MAP1A: variants seen among roughly 807,000 people sequenced by gnomAD.
MAP1A encodes the protein microtubule associated protein 1A.
Under a neutral mutation model 185.9 loss-of-function variants are expected in MAP1A, and 42 were observed. The observed-to-expected ratio is 0.23, with a 90% CI of 0.18 to 0.29. MAP1A has a LOEUF of 0.29. Ranked by LOEUF, MAP1A falls within the 10% of genes least tolerant of loss-of-function variation. The probability of loss-of-function intolerance (pLI) is 1.00; values close to 1 mark genes in which losing one functional copy is unlikely to be tolerated. For synonymous variants in MAP1A, 1,229 were observed against 1,335.9 expected, an observed-to-expected ratio of 0.92 and a Z score of 1.74; for missense variants, 2,995 against 3,450.4, an observed-to-expected ratio of 0.87 and a Z score of 3.31.
At chr15:43,512,373 G>A (rs377414274) in intron 2 of MAP1A, 36 of 1,033,322 alleles carry the variant, frequency 3.5e-5, no homozygotes, top group South Asian at 1.1e-4. Context: ...GTGGCCTTGC[G>A]GGAGGTTTGA....
chr15:43,526,103 T>C lies in MAP1A; in HGVS notation c.4630T>C (p.Ser1544Pro). The change falls in exon 4 of 6, where the codon TCA (serine) becomes CCA (proline). Residue 1544 changes from serine (S) to proline (P), a missense_variant. By Grantham distance (74) the Ser-to-Pro change is moderately conservative. Around this residue, in one of 3 missense-constraint regions of MAP1A, gnomAD observed 2,728 missense variants for 2,986.0 expected, o/e 0.91. Transcript: ENST00000300231. The surrounding 1 kb of genome is among the most constrained non-coding windows in gnomAD (Gnocchi z 4.7). ...GGCCCAGGAACAAAAGGATAAAGTC[T>C]CAGAAAAGAAGGATCAGGCCTTAGA... ...HQAQEQKDKV[S>P]EKKDQALEQK... 1 of 1,613,774 alleles carries C rather than the reference T, an allele frequency of 6.2e-7. No individual in the cohort carries two copies. The highest frequency in any genetic ancestry group is 8.5e-7 in the Non-Finnish European group (1 of 1,179,986).
intron 1 of MAP1A, among the ~76,000 whole-genome samples, chr15:43,518,718 G>C (rs7181665): frequency 0.4 from 30,509 of 76,560 alleles, 6,591 homozygotes; most frequent in African/African-American, 0.7. Context: ...ACCCCCCCCC[G>C]CAACTCCAGC....
chr15:43,526,460 G>A lies in MAP1A; in HGVS notation c.4987G>A (p.Glu1663Lys), dbSNP rs1365730084. 1.9e-6 allele frequency: 3 copies of A among 1,614,020 alleles called. No individual in the cohort carries two copies. The highest frequency in any genetic ancestry group is 2.5e-6 in the Non-Finnish European group (3 of 1,180,008). Residue 1663 changes from glutamate (E) to lysine (K), a missense_variant, in exon 4 of 6, where the codon GAA becomes AAA. Transcript: ENST00000300231. This position sits in a 1 kb window ranked among gnomAD's most constrained non-coding sequence, Gnocchi z 4.7. The stretch of plus-strand genomic sequence containing the variant: ...TCCTACCAGAGAGGAGCCGGCTGGA[G>A]AACAGAAAGAGCTTGCCCCGGCATG... ...TSPTREEPAGEQKELAPAWED... is the reference protein window; with the variant it reads ...TSPTREEPAGKQKELAPAWED...
upstream of MAP1A, among the ~76,000 whole-genome samples, chr15:43,513,974 G>A (rs568111082): frequency 6.6e-6 from 1 of 152,314 alleles, no homozygotes; most frequent in African/African-American, 2.4e-5. Context: ...TTGAGAGTAG[G>A]CTGCTTTCTG....
rs759276154 is a variant in MAP1A at position 43,525,422 on chromosome 15, C to T, written c.3949C>T (p.Leu1317=). The part of the protein sequence containing the change: ...GAITSPDEHI[L]TPDSSFSKSP... Reference sequence around the variant, plus strand: ...GATCACAAGCCCTGATGAACACATTCTGACACCTGATAGCTCCTTCTCCAA... The same window carrying T: ...GATCACAAGCCCTGATGAACACATTTTGACACCTGATAGCTCCTTCTCCAA... Residue 1317 remains leucine, a synonymous_variant, in exon 4 of 6, where the codon CTG becomes TTG. Coordinates refer to ENST00000300231, the MANE Select transcript of MAP1A (RefSeq NM_002373.6). 3 of 1,614,050 alleles carry T rather than the reference C, an allele frequency of 1.9e-6. No individual in the cohort carries two copies. The highest frequency in any genetic ancestry group is 1.6e-4 in the Middle Eastern group (1 of 6,084).
Position 43,529,003 on chromosome 15 carries a change from G to A in MAP1A, c.7530G>A (p.Gln2510=). Residue 2510 remains glutamine, a synonymous_variant, in exon 4 of 6, where the codon CAG becomes CAA. Transcript: ENST00000300231. This position sits in a 1 kb window ranked among gnomAD's most constrained non-coding sequence, Gnocchi z 4.3. ...PTSASDSGSS[Q]SDSDVPPETE... ...CAGCCAGTGACTCAGGCTCCTCACA[G>A]TCAGATTCTGATGTCCCGCCAGAAA... is the stretch of plus-strand genomic sequence containing the variant. The A allele has an allele frequency of 6.2e-7, 1 of 1,613,768 alleles. No individual in the cohort carries two copies. Among genetic ancestry groups the A allele is most frequent in the Non-Finnish European group, 8.5e-7 (1 of 1,180,030 alleles).
chr15:43,528,902 G>C lies in MAP1A; in HGVS notation c.7429G>C (p.Gly2477Arg). The change falls in exon 4 of 6, where the codon GGG (glycine) becomes CGG (arginine). Residue 2477 changes from glycine (G) to arginine (R), a missense_variant. Coordinates refer to ENST00000300231, the MANE Select transcript of MAP1A (RefSeq NM_002373.6). ...TGAGGAAGTTCGGCTAGTAGGAAGA[G>C]GGGGGCGGCGCCGGGTAGGGGGGCC... ...STEEVRLVGR[G>R]GRRRVGGPGT... is the part of the protein sequence containing the mutation. 1 of 1,613,156 alleles carries C rather than the reference G, an allele frequency of 6.2e-7. No homozygotes were observed. The highest frequency in any genetic ancestry group is 8.5e-7 in the Non-Finnish European group (1 of 1,179,944).
At chr15:43,513,576 C>G (rs576946921), upstream of MAP1A, among the ~76,000 whole-genome samples, 12 of 152,340 alleles carry the variant, frequency 7.9e-5, no homozygotes, top group African/African-American at 2.6e-4. Context: ...TTCCTGATCA[C>G]TGATACTTAT....
At position 43,523,873 on chromosome 15, in the gene MAP1A, A is replaced by G; in HGVS notation, c.2400A>G (p.Lys800=). ...GTGCTGTTCCTGCTACCTCTGGCAA[A>G]GTCTATGGAACGCCAGAGACTGAAC... ...ADSAVPATSG[K]VYGTPETELT... is the part of the protein sequence containing the mutation. The change falls in exon 4 of 6, where the codon AAA becomes AAG. Residue 800 remains lysine, a synonymous_variant. Transcript: ENST00000300231. The G allele has an allele frequency of 6.2e-7, 1 of 1,614,172 alleles. No homozygotes were observed. Among genetic ancestry groups the G allele is most frequent in the South Asian group, 1.1e-5 (1 of 91,082 alleles).
At position 43,525,737 on chromosome 15, in the gene MAP1A, C is replaced by T; in HGVS notation, c.4264C>T (p.Leu1422=). 6.2e-7 allele frequency: 1 copy of T among 1,614,116 alleles called. No homozygotes were observed. Among genetic ancestry groups the T allele is most frequent in the Non-Finnish European group, 8.5e-7 (1 of 1,180,032 alleles). ...GRDLEQKDTA[L]EQKDKALEPK... ...AGACTTAGAGCAAAAAGACACAGCC[C>T]TAGAACAGAAGGACAAGGCCCTGGA... The change falls in exon 4 of 6, where the codon CTA becomes TTA. Residue 1422 remains leucine, a synonymous_variant. Transcript: ENST00000300231.
intron 1 of MAP1A, among the ~76,000 whole-genome samples, chr15:43,518,725 C>T (rs2079308590): frequency 6.8e-6 from 1 of 147,776 alleles, no homozygotes; most frequent in East Asian, 2.0e-4. Flanking sequence ...CCCGCAACTC[C>T]AGCACTGGCT....
In MAP1A at chr15:43,523,040, C is replaced by T. The variant is rs1375886387; in HGVS notation, c.1567C>T (p.Leu523=). The T allele has an allele frequency of 6.2e-7, 1 of 1,614,188 alleles. No individual in the cohort carries two copies. The highest frequency in any genetic ancestry group is 8.5e-7 in the Non-Finnish European group (1 of 1,180,030). ...PLPTISGHRE[L]VLSSPEDLTQ... ...CCCAACCATCAGTGGGCACAGGGAG[C>T]TGGTCCTATCCTCACCAGAGGACCT... is the stretch of plus-strand genomic sequence containing the variant. The change falls in exon 4 of 6, where the codon CTG becomes TTG. Residue 523 remains leucine, a synonymous_variant. Transcript: ENST00000300231.
upstream of MAP1A, among the ~76,000 whole-genome samples, chr15:43,514,707 A>G (rs1419189632): frequency 2.6e-5 from 4 of 152,156 alleles, no homozygotes; most frequent in South Asian, 2.1e-4. Context: ...GTCTGGTAAA[A>G]GCTTTCAAAG....
chr15:43,511,009 T>G (rs1035955064), exon 1 of MAP1A: 149 of 1,544,682 alleles, frequency 9.6e-5, no homozygotes, highest in Non-Finnish European at 1.2e-4. Context: ...AGGCCGAGCC[T>G]GCGCGGCCTC....
Position 43,523,632 on chromosome 15 carries a change from G to A in MAP1A, c.2159G>A (p.Ser720Asn), listed in dbSNP as rs990581884. The A allele has an allele frequency of 3.1e-6, 5 of 1,613,984 alleles. No homozygotes were observed. Among genetic ancestry groups the A allele is most frequent in the Non-Finnish European group, 4.2e-6 (5 of 1,180,012 alleles). The change falls in exon 4 of 6, where the codon AGC becomes AAC. Residue 720 changes from serine to asparagine, a missense_variant. Coordinates refer to ENST00000300231, the MANE Select transcript of MAP1A (RefSeq NM_002373.6). Reference protein sequence around the residue: ...APEKETSLFLSSLTTPAGATE... With the variant: ...APEKETSLFLNSLTTPAGATE... ...GAGAAGGAGACCTCGTTATTCCTAAGCAGCCTGACCACACCTGCAGGAGCC... is the reference window on the plus strand; with the variant it reads ...GAGAAGGAGACCTCGTTATTCCTAAACAGCCTGACCACACCTGCAGGAGCC...
Position 43,527,470 on chromosome 15 carries a change from C to A in MAP1A, c.5997C>A (p.Cys1999Ter). 6.2e-7 allele frequency: 1 copy of A among 1,614,110 alleles called. No homozygotes were observed. Among genetic ancestry groups the A allele is most frequent in the Non-Finnish European group, 8.5e-7 (1 of 1,180,002 alleles). The change falls in exon 4 of 6, where the codon TGC becomes TGA. Residue 1999 changes from cysteine to a stop codon, truncating the protein, a stop_gained. Transcript: ENST00000300231. LOFTEE classifies it high-confidence loss of function. Reference protein sequence around the residue: ...PLGAAGDWPPCLSTKEAAAGR... With the variant: ...PLGAAGDWPP Reference sequence around the variant, plus strand: ...GAGCAGCTGGGGATTGGCCCCCATGCCTCTCAACCAAGGAGGCAGCTGCCG... The same window carrying A: ...GAGCAGCTGGGGATTGGCCCCCATGACTCTCAACCAAGGAGGCAGCTGCCG...
upstream of MAP1A, among the ~76,000 whole-genome samples, chr15:43,512,936 G>A (rs1390963611): frequency 1.3e-5 from 2 of 152,192 alleles, no homozygotes; most frequent in African/African-American, 2.4e-5. Flanking sequence ...CTGGGTGGGA[G>A]GAATGGGTGG....
chr15:43,528,109 C>G lies in MAP1A; in HGVS notation c.6636C>G (p.Thr2212=). The G allele has an allele frequency of 6.2e-7, 1 of 1,614,094 alleles. No homozygotes were observed. Among genetic ancestry groups the G allele is most frequent in the South Asian group, 1.1e-5 (1 of 91,082 alleles). The stretch of plus-strand genomic sequence containing the variant: ...TGGCTCCAGGACCCCCCACCAGAAC[C>G]CGGCATGATGAATACCTGGAAGTGA... The part of the protein sequence containing the change: ...LALAPGPPTR[T]RHDEYLEVTK... The change falls in exon 4 of 6, where the codon ACC becomes ACG. Residue 2212 remains threonine, a synonymous_variant. Transcript: ENST00000300231.
chr15:43,514,632 C>A (rs994955557), upstream of MAP1A, among the ~76,000 whole-genome samples: 1 of 152,128 alleles, frequency 6.6e-6, no homozygotes, highest in African/African-American at 2.4e-5. Flanking sequence ...ATTGACATAC[C>A]CACACACAGA....
Sources: gnomAD v4.1 joint callset for allele counts (sites outside exome capture counted in the v4.1 genomes callset) on GRCh38, gnomAD v4.1.1 for gene constraint, gnomAD v4.1.1 regional missense constraint, Gnocchi (gnomAD v3.1) non-coding constraint, MANE v1.5 for transcripts, NCBI Gene and HGNC (gene_info 2026-07-23, HGNC 2026-07-21) for gene names.